The following GALNT13 variants were observed in gnomAD, a reference collection of about 807,000 sequenced individuals.
GALNT13 encodes the protein polypeptide N-acetylgalactosaminyltransferase 13.
In GALNT13, 28 loss-of-function variants were observed where a neutral mutation model predicts 64.2. That is an observed-to-expected ratio of 0.44 (90% CI 0.32 to 0.60). The LOEUF (loss-of-function observed/expected upper bound fraction) is 0.60, where lower values mean the gene tolerates loss of function less well. Among genes scored for constraint, GALNT13 ranks in the 20% least tolerant of loss-of-function variants. GALNT13 has a pLI of 0.05. For missense variants in GALNT13, 577 were observed against 669.8 expected (o/e 0.86, Z 1.53); for synonymous variants, 214 against 224.6 (o/e 0.95, Z 0.42).
the GALNT13 span, among the ~76,000 whole-genome samples, chr2:153,145,177 A>AT: frequency 2.6e-5 from 4 of 151,906 alleles, no homozygotes; most frequent in Non-Finnish European, 5.9e-5. Context: ...GAGCATATAT[A>AT]TAAGTGTATG....
chr2:153,660,234 T>C, the GALNT13 span, among the ~76,000 whole-genome samples: 1 of 152,128 alleles, frequency 6.6e-6, no homozygotes, highest in South Asian at 2.1e-4. Flanking sequence ...ATCAGAGTTC[T>C]AGTGATGAGG....
chr2:154,074,233 G>A (rs574294403), intron 3 of GALNT13, among the ~76,000 whole-genome samples: 22 of 151,848 alleles, frequency 1.4e-4, no homozygotes, highest in Non-Finnish European at 2.4e-4. Context: ...ATAGTATAAG[G>A]TTTCATTATT....
chr2:154,224,886 A>G (rs1230908541), intron 4 of GALNT13, among the ~76,000 whole-genome samples: 1 of 152,150 alleles, frequency 6.6e-6, no homozygotes, highest in Non-Finnish European at 1.5e-5. Flanking sequence ...ATTGATACAT[A>G]CAACATTTTA....
intron 3 of GALNT13, among the ~76,000 whole-genome samples, chr2:154,086,995 G>C (rs1701563651): frequency 1.3e-5 from 2 of 152,128 alleles, no homozygotes; most frequent in African/African-American, 4.8e-5. Flanking sequence ...TCGAGTGTTT[G>C]CAAGCGTGAA....
intron 9 of GALNT13, among the ~76,000 whole-genome samples, chr2:154,334,429 T>G (rs181515869): frequency 1.2e-4 from 19 of 152,164 alleles, no homozygotes; most frequent in Middle Eastern, 6.8e-3. Context: ...ACTGAAAGTA[T>G]TATCAATACT....
chr2:153,245,763 C>T, the GALNT13 span, among the ~76,000 whole-genome samples: 2 of 152,032 alleles, frequency 1.3e-5, no homozygotes, highest in Non-Finnish European at 2.9e-5. Flanking sequence ...TGTAACTCCT[C>T]TCCAGCAAGG....
chr2:154,079,543 T>A (rs1462908498), intron 3 of GALNT13, among the ~76,000 whole-genome samples: 1 of 151,382 alleles, frequency 6.6e-6, no homozygotes, highest in Non-Finnish European at 1.5e-5. Flanking sequence ...ACCTTGGAGG[T>A]CAAGTGACCT....
intron 1 of GALNT13, among the ~76,000 whole-genome samples, chr2:153,894,115 A>G (rs1687736658): frequency 1.3e-5 from 2 of 151,734 alleles, no homozygotes; most frequent in Admixed American, 1.3e-4. Flanking sequence ...GTCATTGAAC[A>G]CTCTTCACGT....
the GALNT13 span, among the ~76,000 whole-genome samples, chr2:153,611,378 T>C: frequency 6.6e-6 from 1 of 152,104 alleles, no homozygotes; most frequent in Non-Finnish European, 1.5e-5. Flanking sequence ...ATTTTTTCAC[T>C]TTTTCTTTGA....
the GALNT13 span, among the ~76,000 whole-genome samples, chr2:153,666,080 C>T: frequency 4.6e-5 from 7 of 152,164 alleles, no homozygotes; most frequent in East Asian, 1.2e-3. Flanking sequence ...CCTGGGGTGC[C>T]TGCCTGGCCA....
intron 3 of GALNT13, among the ~76,000 whole-genome samples, chr2:153,979,057 T>G (rs1694271011): frequency 6.6e-6 from 1 of 152,206 alleles, no homozygotes; most frequent in African/African-American, 2.4e-5. Context: ...TTTGCATAGT[T>G]CTTAATATAT....
chr2:153,822,737 C>T, the GALNT13 span, among the ~76,000 whole-genome samples: 1 of 152,086 alleles, frequency 6.6e-6, no homozygotes, highest in Non-Finnish European at 1.5e-5. Context: ...CTCACTCTCA[C>T]CACTCCTGTC....
the GALNT13 span, among the ~76,000 whole-genome samples, chr2:153,464,725 A>T: frequency 6.6e-6 from 1 of 152,060 alleles, no homozygotes; most frequent in Non-Finnish European, 1.5e-5. Context: ...ATAATAAGTT[A>T]TGTTTAAGGG....
intron 4 of GALNT13, among the ~76,000 whole-genome samples, chr2:154,230,550 G>A (rs543343026): frequency 2.8e-4 from 43 of 151,976 alleles, no homozygotes; most frequent in African/African-American, 8.9e-4. Context: ...TAATACTGTA[G>A]GTTATCTCCC....
intron 2 of GALNT13, among the ~76,000 whole-genome samples, chr2:153,918,954 C>T (rs1689575058): frequency 6.6e-6 from 1 of 152,102 alleles, no homozygotes. Context: ...GTCTGGTTGT[C>T]TGAAGCTGCT....
At chr2:154,129,863 A>T (rs916440969) in intron 3 of GALNT13, among the ~76,000 whole-genome samples, 1 of 152,066 alleles carries the variant, frequency 6.6e-6, no homozygotes, top group Admixed American at 6.6e-5. Context: ...TCAACTTTCC[A>T]ATCATGTTCT....
intron 3 of GALNT13, among the ~76,000 whole-genome samples, chr2:153,954,324 A>T (rs1463126347): frequency 6.6e-6 from 1 of 152,164 alleles, no homozygotes; most frequent in Non-Finnish European, 1.5e-5. Flanking sequence ...TTGAGATTAT[A>T]ATATTTATAA....
At chr2:153,538,182 G>A in the GALNT13 span, among the ~76,000 whole-genome samples, 1 of 152,016 alleles carries the variant, frequency 6.6e-6, no homozygotes, top group Non-Finnish European at 1.5e-5. Flanking sequence ...TTTGGGAATT[G>A]GAATAAAGGT....
the GALNT13 span, among the ~76,000 whole-genome samples, chr2:153,386,402 T>C: frequency 6.6e-6 from 1 of 151,946 alleles, no homozygotes; most frequent in Non-Finnish European, 1.5e-5. Flanking sequence ...CACATACAGT[T>C]GGGTAAAATG....
Sources: gnomAD v4.1 joint callset for allele counts (sites outside exome capture counted in the v4.1 genomes callset) on GRCh38, gnomAD v4.1.1 for gene constraint, MANE v1.5 for transcripts, NCBI Gene and HGNC (gene_info 2026-07-23, HGNC 2026-07-21) for gene names.